LSAMP: variants seen among roughly 807,000 people sequenced by gnomAD.
LSAMP encodes the protein limbic system-associated membrane protein.
LSAMP carries 7 observed loss-of-function variants against 38.6 expected under a neutral mutation model. That is an observed-to-expected ratio of 0.18 (90% CI 0.10 to 0.34). The LOEUF (loss-of-function observed/expected upper bound fraction) is 0.34. LSAMP is among the 10% of genes least tolerant of loss of function. The pLI is 1.00. For missense variants in LSAMP, 313 were observed against 420.0 expected (o/e 0.75, Z 2.23); for synonymous variants, 154 against 166.8 (o/e 0.92, Z 0.59).
chr3:116,187,188 A>G (rs6787788), intron 1 of LSAMP, among the ~76,000 whole-genome samples: 52,119 of 151,978 alleles, frequency 0.34, 10,322 homozygotes, highest in African/African-American at 0.56. Context: ...GGTGTAGGTG[A>G]TGCCACATTA....
chr3:116,190,427 A>G (rs1177152052), intron 1 of LSAMP, among the ~76,000 whole-genome samples: 1 of 152,090 alleles, frequency 6.6e-6, no homozygotes, highest in Non-Finnish European at 1.5e-5. Flanking sequence ...TGTGGAGTCA[A>G]CACTTAAGAC....
intron 3 of LSAMP, among the ~76,000 whole-genome samples, chr3:115,868,112 G>T (rs928711869): frequency 6.6e-6 from 1 of 152,136 alleles, no homozygotes; most frequent in African/African-American, 2.4e-5. Flanking sequence ...GGCATCTTCT[G>T]CACATCAGGG....
chr3:116,410,635 T>C (rs111811909), intron 1 of LSAMP, among the ~76,000 whole-genome samples: 12 of 152,204 alleles, frequency 7.9e-5, no homozygotes, highest in African/African-American at 2.2e-4. Flanking sequence ...GTCAGACAAG[T>C]ACACAATGGT....
intron 2 of LSAMP, among the ~76,000 whole-genome samples, chr3:116,076,550 C>A (rs1225210473): frequency 6.6e-6 from 1 of 152,182 alleles, no homozygotes; most frequent in African/African-American, 2.4e-5. Flanking sequence ...AGCCACCACA[C>A]CCGGCCAATA....
intron 1 of LSAMP, among the ~76,000 whole-genome samples, chr3:116,232,695 C>CTTTT (rs1358749128): frequency 5.5e-4 from 15 of 27,322 alleles, no homozygotes; most frequent in South Asian, 3.5e-3. Flanking sequence ...TTCTTTCTTT[C>CTTTT]TTTCTTTTTT....
chr3:115,946,027 A>G (rs1346937199), intron 3 of LSAMP, among the ~76,000 whole-genome samples: 1 of 152,192 alleles, frequency 6.6e-6, no homozygotes, highest in Non-Finnish European at 1.5e-5. Context: ...TATTTAACAC[A>G]TTTTGATTGA....
At chr3:116,041,611 T>C (rs77553086) in intron 2 of LSAMP, among the ~76,000 whole-genome samples, 2 of 151,518 alleles carry the variant, frequency 1.3e-5, no homozygotes, top group Non-Finnish European at 2.9e-5. Context: ...ATTTCAAACA[T>C]TGATCGTGCC....
intron 1 of LSAMP, among the ~76,000 whole-genome samples, chr3:116,432,981 TA>T (rs1250694132): frequency 2.6e-5 from 4 of 152,176 alleles, no homozygotes; most frequent in African/African-American, 9.7e-5. Flanking sequence ...CTTATACAAT[TA>T]CATCATGAAC....
intron 1 of LSAMP, among the ~76,000 whole-genome samples, chr3:116,440,277 G>A (rs555880688): frequency 6.6e-6 from 1 of 152,284 alleles, no homozygotes; most frequent in South Asian, 2.1e-4. Flanking sequence ...CCTATCAGGG[G>A]AGTCACAGCC....
At chr3:116,098,244 A>G (rs1363132127) in intron 1 of LSAMP, among the ~76,000 whole-genome samples, 1 of 151,200 alleles carries the variant, frequency 6.6e-6, no homozygotes, top group Non-Finnish European at 1.5e-5. Context: ...CACGTCTGTA[A>G]TCCCAGCACT....
chr3:116,213,060 T>C (rs1185503084), intron 1 of LSAMP, among the ~76,000 whole-genome samples: 1 of 152,202 alleles, frequency 6.6e-6, no homozygotes, highest in African/African-American at 2.4e-5. Flanking sequence ...TCACTGTCCA[T>C]GACCAATTTT....
chr3:116,317,950 A>T (rs1189267921), intron 1 of LSAMP, among the ~76,000 whole-genome samples: 1 of 151,610 alleles, frequency 6.6e-6, no homozygotes. Flanking sequence ...AGCCTGGCCA[A>T]CATGGTGAAA....
chr3:116,386,731 C>T (rs1255641288), intron 1 of LSAMP, among the ~76,000 whole-genome samples: 1 of 152,156 alleles, frequency 6.6e-6, no homozygotes, highest in Non-Finnish European at 1.5e-5. Context: ...CCTTGGCTTC[C>T]CACAATGCTG....
At chr3:116,076,949 C>G (rs1707756801) in intron 2 of LSAMP, among the ~76,000 whole-genome samples, 1 of 151,796 alleles carries the variant, frequency 6.6e-6, no homozygotes, top group Admixed American at 6.6e-5. Flanking sequence ...TTTGTTATAA[C>G]TATATATAGA....
intron 3 of LSAMP, among the ~76,000 whole-genome samples, chr3:115,897,910 C>G (rs1383174272): frequency 6.6e-6 from 1 of 152,102 alleles, no homozygotes; most frequent in Non-Finnish European, 1.5e-5. Flanking sequence ...TGTCAAGAAG[C>G]CATGTTGGCA....
intron 1 of LSAMP, among the ~76,000 whole-genome samples, chr3:116,263,782 T>G (rs2046860982): frequency 6.6e-6 from 1 of 152,188 alleles, no homozygotes; most frequent in Non-Finnish European, 1.5e-5. Context: ...TCACTTGTAT[T>G]AATCTTCATA....
At chr3:115,964,489 G>T (rs1035813270) in intron 3 of LSAMP, among the ~76,000 whole-genome samples, 2 of 152,248 alleles carry the variant, frequency 1.3e-5, no homozygotes, top group Non-Finnish European at 2.9e-5. Flanking sequence ...AAATTAGAAT[G>T]GTTCAAGAAT....
chr3:115,822,325 TC>T (rs1934266221), intron 6 of LSAMP, among the ~76,000 whole-genome samples: 1 of 151,556 alleles, frequency 6.6e-6, no homozygotes, highest in African/African-American at 2.4e-5. Context: ...TATATTTTTT[TC>T]TTTTCTTTCT....
intron 3 of LSAMP, among the ~76,000 whole-genome samples, chr3:116,001,282 A>G (rs1939984756): frequency 6.6e-6 from 1 of 152,234 alleles, no homozygotes; most frequent in Admixed American, 6.5e-5. Flanking sequence ...ATTAGTCACC[A>G]GTAATAAAAT....
Sources: allele counts gnomAD v4.1 joint callset (sites outside exome capture counted in the v4.1 genomes callset), GRCh38; gene constraint gnomAD v4.1.1; transcripts MANE v1.5; gene names NCBI Gene and HGNC (gene_info 2026-07-23, HGNC 2026-07-21).